The following ADGRD1 variants were observed in gnomAD, a reference collection of about 807,000 sequenced individuals.
ADGRD1 encodes the protein adhesion G protein-coupled receptor D1, also known as G-protein coupled receptor 133.
A neutral mutation model predicts 113.4 loss-of-function variants in ADGRD1; 77 were observed. The observed-to-expected ratio is 0.68, with a 90% CI of 0.57 to 0.82. The LOEUF is 0.82. Ranked by LOEUF, ADGRD1 falls within the 40% of genes least tolerant of loss-of-function variation. The pLI, the probability that ADGRD1 is intolerant of heterozygous loss-of-function variation, is 0.00. For missense variants in ADGRD1, 1,036 were observed against 1,139.1 expected, an observed-to-expected ratio of 0.91 and a Z score of 1.30; for synonymous variants, 474 against 475.0, an observed-to-expected ratio of 1.00 and a Z score of 0.03.
chr12:131,093,395 GA>G lies in ADGRD1; in HGVS notation c.1671+8733del, dbSNP rs1431746119. On this transcript the variant is annotated intron_variant, in intron 15 of 24. Transcript: ENST00000261654. ...CCGTGGGGGCACACCACGCCTTCCT[GA>G]GGCAGGAACGGCAGTGCAGCCTCCG... is the stretch of plus-strand genomic sequence containing the variant. 3.9e-5 allele frequency among the ~76,000 whole-genome samples: 6 copies of G among 152,206 alleles called. No individual in the cohort carries two copies. The East Asian group carries it at 9.6e-4, about 24-fold the overall frequency.
At position 131,138,137 on chromosome 12, in the gene ADGRD1, G is replaced by A; in HGVS notation, c.2437G>A (p.Val813Met). 3 of 1,613,314 alleles carry A rather than the reference G, an allele frequency of 1.9e-6. No individual in the cohort carries two copies. The highest frequency in any genetic ancestry group is 2.5e-6 in the Non-Finnish European group (3 of 1,179,820). Residue 813 changes from valine (V) to methionine (M), a missense_variant and splice_region_variant, in exon 24 of 25, where the codon GTG (valine) becomes ATG (methionine). Transcript: ENST00000261654. ...TCACGATCCCTTCCCCGCTTTCAAG[G>A]TGAGAGCCGCCTTCAAGCACAAAAC... ...FLFHCLLNSE[V>M]RAAFKHKTKV...
intron 2 of ADGRD1, among the ~76,000 whole-genome samples, chr12:130,964,641 C>T (rs1253681534): frequency 1.3e-5 from 2 of 152,132 alleles, no homozygotes; most frequent in African/African-American, 2.4e-5. Flanking sequence ...GCCGAGATCG[C>T]GCCATTGCAC....
chr12:131,130,238 T>C (rs1950878938), intron 20 of ADGRD1, among the ~76,000 whole-genome samples: 1 of 152,208 alleles, frequency 6.6e-6, no homozygotes, highest in African/African-American at 2.4e-5. Flanking sequence ...TGGACACTTC[T>C]GTTATTAGCC....
chr12:131,080,778 G>A (rs1466248972), intron 14 of ADGRD1, among the ~76,000 whole-genome samples: 4 of 152,028 alleles, frequency 2.6e-5, no homozygotes, highest in African/African-American at 4.8e-5. Flanking sequence ...CCGCCACCAC[G>A]CCCGGCTAAT....
intron 13 of ADGRD1, chr12:131,070,026 A>C (rs1885026411): frequency 6.6e-6 from 1 of 152,194 alleles, no homozygotes; most frequent in African/African-American, 2.4e-5. Flanking sequence ...GGAGGTTCCT[A>C]TTCCCACGGA....
rs1187287126 is a variant in ADGRD1 at position 131,050,098 on chromosome 12, A to G, written c.1474-26703A>G. Reference sequence around the variant, plus strand: ...AGATTGGATACACGGGGGTCCAGGAATGCGTGCAGGAAGCTGGGAATTCAG... The same window carrying G: ...AGATTGGATACACGGGGGTCCAGGAGTGCGTGCAGGAAGCTGGGAATTCAG... On this transcript the variant is annotated intron_variant, in intron 13 of 24. Transcript: ENST00000261654. The surrounding 1 kb of genome is among the most constrained non-coding windows in gnomAD (Gnocchi z 4.8). Among the ~76,000 whole-genome samples, 1 of 152,078 alleles carries G rather than the reference A, an allele frequency of 6.6e-6. No homozygotes were observed. The highest frequency in any genetic ancestry group is 2.4e-5 in the African/African-American group (1 of 41,400).
At position 131,104,808 on chromosome 12, in the gene ADGRD1, C is replaced by T. The variant is rs141358756; in HGVS notation, c.1672-23C>T. 4.0e-4 allele frequency: 607 copies of T among 1,520,970 alleles called. 4 individuals carry two copies. The highest frequency in any genetic ancestry group is 1.3e-3 in the Admixed American group (67 of 50,586). The allele number at this position is 1,520,970 out of a possible 1,614,324, so 94.2% of individuals were successfully genotyped here. A position where few individuals can be genotyped will look rare whatever the true frequency, so the allele number is the denominator to read the frequency against. On this transcript the variant is annotated intron_variant, in intron 15 of 24. Coordinates refer to ENST00000261654, the MANE Select transcript of ADGRD1 (RefSeq NM_198827.5). ...ATGGGGTGCCTGGGCCTGCTGCTGA[C>T]GCCTCTGCTCTGCTCCCCGCAGCTT...
At chr12:130,989,609 A>C (rs778039745) in intron 6 of ADGRD1, 4 of 152,280 alleles carry the variant, frequency 2.6e-5, no homozygotes, top group Non-Finnish European at 5.9e-5. Flanking sequence ...GGACATGGCC[A>C]CACAAGTAGG....
chr12:131,105,454 G>A (rs537578240), intron 16 of ADGRD1, among the ~76,000 whole-genome samples: 3 of 152,190 alleles, frequency 2.0e-5, no homozygotes, highest in African/African-American at 7.2e-5. Flanking sequence ...CTATGCAAAG[G>A]CCCCACAGCT....
chr12:131,100,878 A>G (rs1335080437), intron 15 of ADGRD1, among the ~76,000 whole-genome samples: 1 of 152,216 alleles, frequency 6.6e-6, no homozygotes. Flanking sequence ...TCTCAATTTA[A>G]AAGATATTAA....
chr12:131,103,945 C>G (rs1057218859), intron 15 of ADGRD1, among the ~76,000 whole-genome samples: 11 of 152,206 alleles, frequency 7.2e-5, no homozygotes, highest in African/African-American at 2.7e-4. Context: ...CCGGAGCCTC[C>G]TGGAGCGCAG....
At chr12:131,000,267 A>G (rs1333620152) in intron 8 of ADGRD1, 116 bp from the exon 9 acceptor site, 1 of 778,544 alleles carries the variant, frequency 1.3e-6, no homozygotes, top group African/African-American at 1.7e-5. Flanking sequence ...ACTGCCGTGC[A>G]TAAAACTGAA....
chr12:130,990,711 T>C, intron 6 of ADGRD1: 3 of 265,880 alleles, frequency 1.1e-5, no homozygotes, highest in Non-Finnish European at 1.4e-5. Flanking sequence ...TGGTTCTTTA[T>C]TTATTTGAAA....
In ADGRD1 at chr12:131,108,777, C is replaced by G. The variant is rs1209618852; in HGVS notation, c.1941C>G (p.Phe647Leu). 6.2e-7 allele frequency: 1 copy of G among 1,613,946 alleles called. No individual in the cohort carries two copies. Among genetic ancestry groups the G allele is most frequent in the Non-Finnish European group, 8.5e-7 (1 of 1,180,006 alleles). ...TACACTACTTCTTCCTGAGTGCCTT[C>G]GCATGGATGCTGGTGGAGGGGCTGC... ...VLLHYFFLSAFAWMLVEGLHL... is the reference protein window; with the variant it reads ...VLLHYFFLSALAWMLVEGLHL... The change falls in exon 18 of 25, where the codon TTC becomes TTG. Residue 647 changes from phenylalanine (F) to leucine (L), a missense_variant. By Grantham distance (22) the Phe-to-Leu change is conservative. Transcript: ENST00000261654.
intron 8 of ADGRD1, among the ~76,000 whole-genome samples, chr12:130,994,482 A>G (rs1874945967): frequency 6.6e-6 from 1 of 152,164 alleles, no homozygotes; most frequent in African/African-American, 2.4e-5. Flanking sequence ...GTCGGCGCTC[A>G]ATAAACACCC....
At chr12:131,040,776 GA>G (rs1257859250) in intron 13 of ADGRD1, among the ~76,000 whole-genome samples, 1 of 152,250 alleles carries the variant, frequency 6.6e-6, no homozygotes, top group Non-Finnish European at 1.5e-5. Context: ...AGTCATTTGG[GA>G]AACGGCAGGC....
intron 3 of ADGRD1, chr12:130,967,019 A>C (rs750514757): frequency 2.2e-5 from 10 of 455,724 alleles, no homozygotes; most frequent in South Asian, 1.5e-4. Context: ...TTTCCCCAAC[A>C]ATCTTGAAAC....
At chr12:130,955,259 C>T (rs139173864) in intron 2 of ADGRD1, among the ~76,000 whole-genome samples, 3 of 152,094 alleles carry the variant, frequency 2.0e-5, no homozygotes, top group Non-Finnish European at 4.4e-5. Context: ...GCCACCACAC[C>T]CATCTCATGT....
chr12:130,963,908 C>G (rs1245106094), intron 2 of ADGRD1, among the ~76,000 whole-genome samples: 1 of 152,176 alleles, frequency 6.6e-6, no homozygotes, highest in Non-Finnish European at 1.5e-5. Flanking sequence ...GAACTCCCAT[C>G]AGAAATGTGG....
Sources: gnomAD v4.1 joint callset for allele counts (sites outside exome capture counted in the v4.1 genomes callset) on GRCh38, gnomAD v4.1.1 for gene constraint, Gnocchi (gnomAD v3.1) non-coding constraint, MANE v1.5 for transcripts, NCBI Gene and HGNC (gene_info 2026-07-23, HGNC 2026-07-21) for gene names.